YBEY: variants seen among roughly 807,000 people sequenced by gnomAD.
YBEY encodes ybeY metalloendoribonuclease.
A neutral mutation model predicts 13.5 loss-of-function variants in YBEY; 15 were observed. The ratio of observed to expected loss-of-function variants is 1.11; its 90% CI spans 0.75 to 1.72. YBEY has a LOEUF of 1.72. Among genes scored for constraint, YBEY ranks in the 40% most tolerant of loss-of-function variants. The probability of loss-of-function intolerance (pLI) is 0.00; values close to 1 mark genes in which losing one functional copy is unlikely to be tolerated. For missense variants in YBEY, 244 were observed against 208.4 expected, an observed-to-expected ratio of 1.17 and a Z score of -1.05; for synonymous variants, 101 against 83.1, an observed-to-expected ratio of 1.21 and a Z score of -1.17.
chr21:46,301,761 T>C, downstream of YBEY: 1 of 1,225,364 alleles, frequency 8.2e-7, no homozygotes, highest in East Asian at 3.2e-5. Flanking sequence ...CCTGGTGGGG[T>C]TCACAGGCCC....
At chr21:46,303,580 G>C in the YBEY span, among the ~76,000 whole-genome samples, 1 of 149,118 alleles carries the variant, frequency 6.7e-6, no homozygotes, top group South Asian at 2.1e-4. Context: ...GGCCAGGCAC[G>C]GTGGCTCATG....
chr21:46,311,269 T>A, the YBEY span, among the ~76,000 whole-genome samples: 2 of 152,244 alleles, frequency 1.3e-5, no homozygotes, highest in Non-Finnish European at 2.9e-5. Flanking sequence ...CTCCTAGTTA[T>A]CTTTCTTATA....
At chr21:46,307,977 G>A in the YBEY span, among the ~76,000 whole-genome samples, 3 of 152,032 alleles carry the variant, frequency 2.0e-5, no homozygotes, top group Admixed American at 2.0e-4. Context: ...GCAGACACTA[G>A]ATAACAGTTT....
intron 2 of YBEY, among the ~76,000 whole-genome samples, chr21:46,289,332 A>C (rs2081595903): frequency 6.6e-6 from 1 of 152,234 alleles, no homozygotes; most frequent in Non-Finnish European, 1.5e-5. Flanking sequence ...CAGGCTTTTA[A>C]AGAAAAGGAT....
intron 4 of YBEY, among the ~76,000 whole-genome samples, chr21:46,296,590 C>T (rs1371287077): frequency 1.3e-5 from 2 of 152,168 alleles, no homozygotes; most frequent in Admixed American, 6.5e-5. Flanking sequence ...CCATGCGCTC[C>T]GCCTACGGAG....
downstream of YBEY, chr21:46,301,984 C>G (rs771723398): frequency 3.0e-5 from 45 of 1,512,804 alleles, 1 homozygote; most frequent in Middle Eastern, 1.7e-4. Flanking sequence ...CGGCCAGGGT[C>G]TCTGTGACTC....
chr21:46,296,261 G>A (rs767559430), intron 4 of YBEY, 31 bp downstream of exon 4: 1 of 1,612,024 alleles, frequency 6.2e-7, no homozygotes, highest in East Asian at 2.2e-5. Context: ...ACTACCGAGG[G>A]GGTGCGTGGG....
At chr21:46,299,027 A>G (rs951006706), downstream of YBEY, among the ~76,000 whole-genome samples, 26 of 146,566 alleles carry the variant, frequency 1.8e-4, no homozygotes, top group African/African-American at 6.3e-4. Flanking sequence ...TGTCCGGCCC[A>G]ATCCTGTATT....
intron 3 of YBEY, chr21:46,291,842 C>G (rs556143204): frequency 9.4e-7 from 1 of 1,064,774 alleles, no homozygotes; most frequent in South Asian, 3.0e-5. Flanking sequence ...TGTAATCCAC[C>G]TATGGGTTCT....
the YBEY span, among the ~76,000 whole-genome samples, chr21:46,305,172 G>C: frequency 1.1e-4 from 16 of 152,268 alleles, no homozygotes; most frequent in Admixed American, 3.3e-4. Flanking sequence ...CTGACGGGAG[G>C]GGGTGACGTA....
chr21:46,310,044 A>T, the YBEY span, among the ~76,000 whole-genome samples: 1 of 152,134 alleles, frequency 6.6e-6, no homozygotes, highest in Non-Finnish European at 1.5e-5. Context: ...TCAAACTACT[A>T]CATAGTGACG....
chr21:46,302,462 G>C (rs1601623910), downstream of YBEY: 1 of 1,567,470 alleles, frequency 6.4e-7, no homozygotes, highest in African/African-American at 1.4e-5. Context: ...TTGGCCTAGG[G>C]TTCTGCTGGG....
chr21:46,295,976 G>T (rs1037582598), intron 3 of YBEY, among the ~76,000 whole-genome samples, 186 bp from the exon 4 acceptor site: 4 of 152,142 alleles, frequency 2.6e-5, no homozygotes, highest in Admixed American at 6.5e-5. Context: ...AAAGGGGCTT[G>T]CTTGCTTTCC....
intron 2 of YBEY, among the ~76,000 whole-genome samples, chr21:46,289,004 A>G (rs59828751): frequency 0.41 from 62,192 of 151,982 alleles, 13,298 homozygotes; most frequent in Admixed American, 0.48. Flanking sequence ...ACCCTGGGCC[A>G]CAGAGTAACA....
At chr21:46,308,305 A>G in the YBEY span, among the ~76,000 whole-genome samples, 1 of 151,998 alleles carries the variant, frequency 6.6e-6, no homozygotes, top group South Asian at 2.1e-4. Context: ...TACTAAAAAT[A>G]CAAAAATCAG....
At chr21:46,301,260 G>GC, downstream of YBEY, 1 of 269,128 alleles carries the variant, frequency 3.7e-6, no homozygotes, top group Non-Finnish European at 5.7e-6. Context: ...TCCCACCTCA[G>GC]CCCCCAGAGC....
rs1026850960 is a variant in YBEY at position 46,291,666 on chromosome 21, C to T, written c.339+204C>T. On this transcript the variant is annotated intron_variant, in intron 3 of 4. Transcript: ENST00000397701. ...CCACAGTTGAAGGAGGGAGAGAACA[C>T]GCTGTGAAAACACAGAAGCTCCCAG... is the stretch of plus-strand genomic sequence containing the variant. 21 of 1,351,498 alleles carry T rather than the reference C, an allele frequency of 1.6e-5. No homozygotes were observed. The African/African-American group carries it at 1.8e-4, about 12-fold the overall frequency. 83.7% of individuals were successfully genotyped at this position (1,351,498 alleles called of 1,614,324 possible).
chr21:46,289,804 C>G (rs2081620191), intron 2 of YBEY, among the ~76,000 whole-genome samples: 1 of 152,190 alleles, frequency 6.6e-6, no homozygotes, highest in Non-Finnish European at 1.5e-5. Flanking sequence ...GATAATGATC[C>G]TTGGTTGCAA....
intron 2 of YBEY, among the ~76,000 whole-genome samples, chr21:46,288,831 A>G (rs1159967137): frequency 6.6e-6 from 1 of 152,214 alleles, no homozygotes; most frequent in African/African-American, 2.4e-5. Context: ...CAGTCTGGGC[A>G]ACATGGTCAA....
Sources: gnomAD v4.1 joint callset for allele counts (sites outside exome capture counted in the v4.1 genomes callset) on GRCh38, gnomAD v4.1.1 for gene constraint, MANE v1.5 for transcripts, NCBI Gene and HGNC (gene_info 2026-07-23, HGNC 2026-07-21) for gene names.